Variants in TTLL12 observed in about 807,000 individuals in gnomAD.
TTLL12 encodes tubulin tyrosine ligase like 12.
Under a neutral mutation model 79.6 loss-of-function variants are expected in TTLL12, and 77 were observed. That is an observed-to-expected ratio of 0.97 (90% CI 0.81 to 1.17). The LOEUF is 1.17. Ranked by LOEUF, TTLL12 falls within the 50% of genes most tolerant of loss-of-function variation. The probability of loss-of-function intolerance (pLI) is 0.00; values close to 1 mark genes in which losing one functional copy is unlikely to be tolerated. For missense variants in TTLL12, 969 were observed against 895.9 expected, an observed-to-expected ratio of 1.08 and a Z score of -1.04; for synonymous variants, 437 against 376.1, an observed-to-expected ratio of 1.16 and a Z score of -1.87.
chr22:43,168,499 G>C (rs1467650543), intron 13 of TTLL12, among the ~76,000 whole-genome samples: 1 of 151,752 alleles, frequency 6.6e-6, no homozygotes. Context: ...AGGCCAGCCA[G>C]GGTGGTGTGG....
rs890530647 is a variant in TTLL12 at position 43,172,636 on chromosome 22, C to G, written c.1342-82G>C. ...CGAGCACACAAAGCCACGCAGGGGG[C>G]ACAGACATGGCTGCACTTTACTCCT... On this transcript the variant is annotated intron_variant, in intron 9 of 13. Transcript: ENST00000216129. The G allele has an allele frequency of 3.2e-5, 48 of 1,513,598 alleles. No individual in the cohort carries two copies. The Admixed American group carries it at 8.1e-4, about 25-fold the overall frequency. The allele number at this position is 1,513,598 out of a possible 1,614,324, so 93.8% of individuals were successfully genotyped here.
At chr22:43,168,992 C>T in intron 12 of TTLL12, 80 bp from the exon 13 acceptor site, 1 of 1,488,852 alleles carries the variant, frequency 6.7e-7, no homozygotes, top group South Asian at 1.3e-5. Context: ...TGCCCAAGTC[C>T]CGGGCCCCAC....
rs1932208543 is a variant in TTLL12 at position 43,187,121 on chromosome 22, C to T, written c.-52G>A. The T allele has an allele frequency of 1.0e-6, 1 of 991,662 alleles. No individual in the cohort carries two copies. Among genetic ancestry groups the T allele is most frequent in the Non-Finnish European group, 1.2e-6 (1 of 822,398 alleles). The allele number at this position is 991,662 out of a possible 1,614,324, so 61.4% of individuals were successfully genotyped here. ...CGCCGCCACCGCCGCCGCCGCCCGCCGTCCGTCGGCCCTGCCCTCCCGCCT... is the reference window on the plus strand; with the variant it reads ...CGCCGCCACCGCCGCCGCCGCCCGCTGTCCGTCGGCCCTGCCCTCCCGCCT... On this transcript the variant is annotated 5_prime_UTR_variant, in exon 1 of 14. Coordinates refer to ENST00000216129, the MANE Select transcript of TTLL12 (RefSeq NM_015140.4).
chr22:43,177,017 C>T (rs1931933112), intron 5 of TTLL12, among the ~76,000 whole-genome samples: 1 of 152,144 alleles, frequency 6.6e-6, no homozygotes, highest in Non-Finnish European at 1.5e-5. Context: ...TGAGAGGAGC[C>T]GCTTTGTCCT....
At chr22:43,180,075 C>T (rs1180430035) in intron 3 of TTLL12, 75 bp from the exon 4 acceptor site, 22 of 1,481,276 alleles carry the variant, frequency 1.5e-5, no homozygotes, top group East Asian at 4.6e-5. Context: ...ACCCAGACAT[C>T]GACCACCAGC....
intron 1 of TTLL12, among the ~76,000 whole-genome samples, chr22:43,184,455 C>T (rs1932131995): frequency 6.6e-6 from 1 of 152,196 alleles, no homozygotes; most frequent in African/African-American, 2.4e-5. Flanking sequence ...CAGAGGCCAG[C>T]TTTGAAGAAG....
Position 43,169,583 on chromosome 22 carries a change from G to T in TTLL12, c.1576-15C>A, listed in dbSNP as rs1206125693. On this transcript the variant is annotated splice_polypyrimidine_tract_variant and intron_variant, in intron 11 of 13. Coordinates refer to ENST00000216129, the MANE Select transcript of TTLL12 (RefSeq NM_015140.4). ...TCACAGTGCACCTGCAACAGACACA[G>T]GGCCCATCACGCTCTGTACAGGCCT... 5 of 1,612,878 alleles carry T rather than the reference G, an allele frequency of 3.1e-6. No individual in the cohort carries two copies. Among genetic ancestry groups the T allele is most frequent in the Non-Finnish European group, 2.5e-6 (3 of 1,179,488 alleles).
intron 2 of TTLL12, 140 bp downstream of exon 2, chr22:43,182,840 G>T: frequency 2.5e-6 from 3 of 1,179,334 alleles, no homozygotes; most frequent in Non-Finnish European, 1.2e-6. Flanking sequence ...TGGACACACC[G>T]CTGGCCACAC....
chr22:43,173,374 G>C (rs118162361), intron 9 of TTLL12, among the ~76,000 whole-genome samples: 1 of 151,896 alleles, frequency 6.6e-6, no homozygotes, highest in Non-Finnish European at 1.5e-5. Flanking sequence ...GCAGTGACGC[G>C]ATCACAGCTC....
chr22:43,185,247 TTATATATATATATATATATATA>T (rs3985927), intron 1 of TTLL12, among the ~76,000 whole-genome samples: 3,803 of 115,700 alleles, frequency 0.033, 199 homozygotes, highest in African/African-American at 0.082. Context: ...AAGAAAAAAA[TTATATATATATATATATATATA>T]TATATATATA....
intron 10 of TTLL12, among the ~76,000 whole-genome samples, 158 bp downstream of exon 10, chr22:43,172,245 A>G (rs1268484144): frequency 8.5e-5 from 13 of 152,182 alleles, no homozygotes. Context: ...GCCAATTAAC[A>G]CCAAGGGAGA....
intron 5 of TTLL12, among the ~76,000 whole-genome samples, chr22:43,178,717 C>T (rs1372225419): frequency 6.6e-6 from 1 of 152,216 alleles, no homozygotes; most frequent in Non-Finnish European, 1.5e-5. Flanking sequence ...AGGATGACTT[C>T]AGTCGCCGTG....
In TTLL12 at chr22:43,186,981, T is replaced by G. The variant is rs1932201538; in HGVS notation, c.89A>C (p.Glu30Ala). 1 of 1,301,708 alleles carries G rather than the reference T, an allele frequency of 7.7e-7. No individual in the cohort carries two copies. The highest frequency in any genetic ancestry group is 1.6e-5 in the African/African-American group (1 of 63,338). The allele number at this position is 1,301,708 out of a possible 1,614,324, so 80.6% of individuals were successfully genotyped here. ...CGCCGGGCCGTGCAGCGCCGCGAAC[T>G]CGGCCAAGGCCTGCGCGCCCTCCTC... ...TPEEGAQALA[E>A]FAALHGPALR... Residue 30 changes from glutamate to alanine, a missense_variant, in exon 1 of 14, where the codon GAG (glutamate) becomes GCG (alanine). Physicochemically the swap from Glu to Ala is moderately radical, Grantham distance 107. Coordinates refer to ENST00000216129, the MANE Select transcript of TTLL12 (RefSeq NM_015140.4).
rs1171963166 is a variant in TTLL12 at position 43,180,780 on chromosome 22, TCTC to T, written c.505_507del (p.Glu169del). 28 of 1,612,916 alleles carry T rather than the reference TCTC, an allele frequency of 1.7e-5. No individual in the cohort carries two copies. The highest frequency in any genetic ancestry group is 2.7e-5 in the African/African-American group (2 of 74,868). On this transcript the variant is annotated inframe_deletion, in exon 3 of 14. Coordinates refer to ENST00000216129, the MANE Select transcript of TTLL12 (RefSeq NM_015140.4). ...TGGTAGGTCTGGTTGAACTTCCACA[TCTC>T]CTCCAGCACCAGGGCCACAGCCTCT...
chr22:43,173,890 A>G, intron 8 of TTLL12, 64 bp from the exon 9 acceptor site: 1 of 1,458,904 alleles, frequency 6.9e-7, no homozygotes, highest in Admixed American at 2.0e-5. Flanking sequence ...GTGCCACCCC[A>G]GGACCCAGAG....
rs185725794 is a variant in TTLL12, at chr22:43,173,830, G to A, written c.1230-4C>T. The stretch of plus-strand genomic sequence containing the variant: ...GATCCAGTGGTTGTCCTCGCCCCTG[G>A]GGAGCAGAAGGGCTGTCTGGGGGGC... On this transcript the variant is annotated splice_polypyrimidine_tract_variant and splice_region_variant and intron_variant, in intron 8 of 13. Coordinates refer to ENST00000216129, the MANE Select transcript of TTLL12 (RefSeq NM_015140.4). 1.2e-6 allele frequency: 2 copies of A among 1,600,938 alleles called. No homozygotes were observed. Among genetic ancestry groups the A allele is most frequent in the African/African-American group, 1.3e-5 (1 of 74,938 alleles).
intron 5 of TTLL12, among the ~76,000 whole-genome samples, chr22:43,176,728 T>A (rs1601771950): frequency 4.0e-5 from 2 of 50,030 alleles, no homozygotes; most frequent in South Asian, 1.7e-3. Flanking sequence ...AGACTACATC[T>A]CAAAAAAAAA....
At chr22:43,175,908 G>A (rs930184741) in intron 6 of TTLL12, among the ~76,000 whole-genome samples, 1 of 140,836 alleles carries the variant, frequency 7.1e-6, no homozygotes, top group Non-Finnish European at 1.5e-5. Flanking sequence ...GGCTGGTGTT[G>A]AACTCCCGAT....
chr22:43,169,593 C>T (rs377598695), intron 11 of TTLL12, 25 bp from the exon 12 acceptor site: 11 of 1,611,368 alleles, frequency 6.8e-6, no homozygotes, highest in Non-Finnish European at 9.3e-6. Flanking sequence ...GGGCCCATCA[C>T]GCTCTGTACA....
Sources: gnomAD v4.1 joint callset for allele counts (sites outside exome capture counted in the v4.1 genomes callset) on GRCh38, gnomAD v4.1.1 for gene constraint, MANE v1.5 for transcripts, NCBI Gene and HGNC (gene_info 2026-07-23, HGNC 2026-07-21) for gene names.